The following CAST variants were observed in gnomAD, a reference collection of about 807,000 sequenced individuals.
CAST encodes MIR583 host.
Under a neutral mutation model 119.6 loss-of-function variants are expected in CAST, and 76 were observed. That is an observed-to-expected ratio of 0.64 (90% CI 0.53 to 0.77). CAST has a LOEUF of 0.77. Ranked by LOEUF, CAST falls within the 30% of genes least tolerant of loss-of-function variation. CAST has a pLI of 0.00. For synonymous variants in CAST, 319 were observed against 331.6 expected (o/e 0.96, Z 0.41); for missense variants, 953 against 946.5 (o/e 1.01, Z -0.09).
In CAST at chr5:96,588,196, C is replaced by CTTTTTTTTTTTTTTTT. The variant is rs140665192; in HGVS notation, c.60+58325_60+58340dup. Among the ~76,000 whole-genome samples, 493 of 75,864 alleles carry CTTTTTTTTTTTTTTTT rather than the reference C, an allele frequency of 6.5e-3. 26 individuals carry two copies. Among genetic ancestry groups the CTTTTTTTTTTTTTTTT allele is most frequent in the East Asian group, 7.9e-3 (17 of 2,162 alleles). The allele number at this position is 75,864 out of a possible 152,430, so 49.8% of individuals were successfully genotyped here. On this transcript the variant is annotated intron_variant, in intron 1 of 11. Coordinates refer to the CAST transcript ENST00000505143. ...TATTATTTTCTTTCTTTCTTTCTTT[C>CTTTTTTTTTTTTTTTT]TTTTTTTTTTTTTTTTTTTTTTTTG... is the stretch of plus-strand genomic sequence containing the variant.
the CAST span, among the ~76,000 whole-genome samples, chr5:96,272,122 A>C: frequency 1.3e-5 from 2 of 152,130 alleles, no homozygotes; most frequent in Non-Finnish European, 2.9e-5. Context: ...AATGCCAACA[A>C]AGATGTGCAG....
At chr5:96,599,471 G>T (rs578062889) in intron 1 of CAST, among the ~76,000 whole-genome samples, 2 of 152,098 alleles carry the variant, frequency 1.3e-5, no homozygotes, top group African/African-American at 2.4e-5. Context: ...CTGTAATATC[G>T]GGCTGACTTC....
the CAST span, among the ~76,000 whole-genome samples, chr5:96,051,491 A>G: frequency 1.3e-5 from 2 of 152,152 alleles, no homozygotes; most frequent in Non-Finnish European, 2.9e-5. Flanking sequence ...AACTGCCAGG[A>G]TAGTTCTGGA....
chr5:96,367,530 C>A, the CAST span, among the ~76,000 whole-genome samples: 2 of 151,424 alleles, frequency 1.3e-5, no homozygotes, highest in African/African-American at 4.8e-5. Context: ...ATGGTAGGCG[C>A]CCCTCCCCCA....
At chr5:96,666,257 AACACACACAC>A (rs10529318) in intron 1 of CAST, among the ~76,000 whole-genome samples, 1 of 150,044 alleles carries the variant, frequency 6.7e-6, no homozygotes, top group East Asian at 2.0e-4. Context: ...GGTTGTAGTA[AACACACACAC>A]ACACACACAC....
At chr5:96,519,727 C>T in the CAST span, among the ~76,000 whole-genome samples, 1 of 152,154 alleles carries the variant, frequency 6.6e-6, no homozygotes, top group African/African-American at 2.4e-5. Flanking sequence ...CTGCCTCAGC[C>T]TCCCGAGTAG....
At chr5:96,337,575 CAT>C in the CAST span, among the ~76,000 whole-genome samples, 13 of 152,296 alleles carry the variant, frequency 8.5e-5, no homozygotes, top group East Asian at 3.9e-4. Context: ...TGATTCCACA[CAT>C]GTTTGGAGGG....
In CAST at chr5:96,534,743, A is replaced by AGAG. The variant is rs1554066267; in HGVS notation, c.60+4863_60+4864insGAG. ...AGAGAGAGAGAGAGAGAGAGAGAGA[A>AGAG]AGAAAGAAAGAAAGAAAGAAAGAAA... On this transcript the variant is annotated intron_variant, in intron 1 of 11. Coordinates refer to the CAST transcript ENST00000505143. Among the ~76,000 whole-genome samples the AGAG allele has an allele frequency of 3.8e-3, 214 of 56,572 alleles. 33 individuals carry two copies. The highest frequency in any genetic ancestry group is 7.8e-3 in the African/African-American group (96 of 12,304). 37.1% of individuals were successfully genotyped at this position (56,572 alleles called of 152,430 possible). A position where few individuals can be genotyped will look rare whatever the true frequency, so the allele number is the denominator to read the frequency against.
chr5:96,657,676 T>C (rs891591759), upstream of CAST, among the ~76,000 whole-genome samples: 1 of 152,168 alleles, frequency 6.6e-6, no homozygotes, highest in Non-Finnish European at 1.5e-5. Context: ...GCTGCAAAAA[T>C]TTCTATATAG....
the CAST span, among the ~76,000 whole-genome samples, chr5:96,108,765 G>T: frequency 2.6e-5 from 4 of 152,250 alleles, no homozygotes; most frequent in East Asian, 1.9e-4. Context: ...GTTGGAGCTT[G>T]CCGGCTGCTT....
At chr5:96,576,586 C>A (rs540106267) in intron 1 of CAST, among the ~76,000 whole-genome samples, 1 of 152,032 alleles carries the variant, frequency 6.6e-6, no homozygotes, top group East Asian at 1.9e-4. Flanking sequence ...CTCAAGTGAT[C>A]CACTGGCCTC....
At chr5:96,243,883 C>T in the CAST span, among the ~76,000 whole-genome samples, 3 of 152,256 alleles carry the variant, frequency 2.0e-5, no homozygotes, top group Admixed American at 1.3e-4. Flanking sequence ...TGACTCAAGC[C>T]ATACCTATGA....
At chr5:96,461,389 G>A in the CAST span, among the ~76,000 whole-genome samples, 2 of 152,038 alleles carry the variant, frequency 1.3e-5, no homozygotes, top group Non-Finnish European at 2.9e-5. Flanking sequence ...AGAATTGTCG[G>A]ATCATATAGC....
the CAST span, among the ~76,000 whole-genome samples, chr5:96,169,179 G>T: frequency 1.3e-5 from 2 of 152,270 alleles, no homozygotes; most frequent in Middle Eastern, 3.4e-3. Flanking sequence ...GTTTTTATGA[G>T]AATTATGCCG....
the CAST span, among the ~76,000 whole-genome samples, chr5:96,291,726 C>G: frequency 6.6e-6 from 1 of 152,014 alleles, no homozygotes; most frequent in African/African-American, 2.4e-5. Flanking sequence ...GTTTCTTCTG[C>G]TTAGGCTTAT....
chr5:96,496,996 G>C, the CAST span, among the ~76,000 whole-genome samples: 1 of 147,132 alleles, frequency 6.8e-6, no homozygotes, highest in South Asian at 2.3e-4. Context: ...ATCTCCAAAT[G>C]CTATCCCTCC....
the CAST span, among the ~76,000 whole-genome samples, chr5:96,456,349 A>G: frequency 1.3e-5 from 2 of 152,204 alleles, no homozygotes; most frequent in East Asian, 1.9e-4. Flanking sequence ...GAGCTTTCAC[A>G]TTGTGACGCA....
the CAST span, among the ~76,000 whole-genome samples, chr5:96,281,999 T>C: frequency 2.6e-5 from 4 of 152,210 alleles, no homozygotes; most frequent in African/African-American, 9.6e-5. Flanking sequence ...GCAACGCTCT[T>C]ATAGGCTCCA....
the CAST span, among the ~76,000 whole-genome samples, chr5:96,010,038 A>G: frequency 1.3e-5 from 2 of 152,148 alleles, no homozygotes; most frequent in Non-Finnish European, 2.9e-5. Flanking sequence ...GGCACCGTTT[A>G]TTGAATAGAG....
Sources: gnomAD v4.1 joint callset for allele counts (sites outside exome capture counted in the v4.1 genomes callset) on GRCh38, gnomAD v4.1.1 for gene constraint, MANE v1.5 for transcripts, NCBI Gene and HGNC (gene_info 2026-07-23, HGNC 2026-07-21) for gene names.